COBL: variants seen among roughly 807,000 people sequenced by gnomAD.
The protein encoded by COBL is protein cordon-bleu.
In COBL, 51 loss-of-function variants were observed where a neutral mutation model predicts 98.8. That is an observed-to-expected ratio of 0.52 (90% CI 0.41 to 0.65). The LOEUF is 0.65. COBL is among the 30% of genes least tolerant of loss of function. The pLI, the probability that COBL is intolerant of heterozygous loss-of-function variation, is 0.00. For synonymous variants in COBL, 634 were observed against 651.7 expected (o/e 0.97, Z 0.41); for missense variants, 1,617 against 1,617.5 (o/e 1.00, Z 0.01).
intron 1 of COBL, among the ~76,000 whole-genome samples, chr7:51,233,422 G>T (rs1008651799): frequency 2.4e-5 from 3 of 127,124 alleles, no homozygotes; most frequent in African/African-American, 8.2e-5. Context: ...TTCCTTCAGT[G>T]GGGGGAAAAA....
intron 4 of COBL, among the ~76,000 whole-genome samples, chr7:51,187,331 T>TACATACAC (rs1554421103): frequency 3.9e-5 from 4 of 101,424 alleles, no homozygotes; most frequent in Admixed American, 2.9e-4. Context: ...TATATATATA[T>TACATACAC]ACACACACAC....
intron 7 of COBL, among the ~76,000 whole-genome samples, chr7:51,049,788 T>G (rs1790064282): frequency 6.6e-6 from 1 of 152,230 alleles, no homozygotes; most frequent in African/African-American, 2.4e-5. Flanking sequence ...AGTGTCTGTG[T>G]GCACACACGG....
rs368355274 is a variant in COBL at position 51,312,093 on chromosome 7, G to T, written c.41+4500C>A. The stretch of plus-strand genomic sequence containing the variant: ...AATCCCAGCACTTTGGGAGGCCAAG[G>T]CGGGCGGATCACAAGGTTAGGAGTT... On this transcript the variant is annotated intron_variant, in intron 1 of 12. Coordinates refer to ENST00000265136, the MANE Select transcript of COBL (RefSeq NM_015198.5). Among the ~76,000 whole-genome samples the T allele has an allele frequency of 2.0e-5, 3 of 152,086 alleles. No individual in the cohort carries two copies. In the East Asian group the frequency reaches 5.8e-4, roughly 29 times the overall value.
At chr7:51,299,680 G>C (rs1024553658) in intron 1 of COBL, among the ~76,000 whole-genome samples, 2 of 152,196 alleles carry the variant, frequency 1.3e-5, no homozygotes, top group African/African-American at 4.8e-5. Flanking sequence ...CATGGCTATA[G>C]GGGTGGGCTG....
chr7:51,175,923 G>A (rs1305375465), intron 5 of COBL, among the ~76,000 whole-genome samples: 1 of 152,118 alleles, frequency 6.6e-6, no homozygotes, highest in Non-Finnish European at 1.5e-5. Flanking sequence ...ACCTTCCCAC[G>A]TTTTCCTGCC....
intron 1 of COBL, among the ~76,000 whole-genome samples, chr7:51,244,600 C>G (rs535095058): frequency 1.3e-5 from 2 of 152,282 alleles, no homozygotes; most frequent in East Asian, 3.9e-4. Flanking sequence ...TACGGCCACT[C>G]TCTCTCACCC....
In COBL at chr7:51,029,045, G is replaced by A. The variant is rs752399487; in HGVS notation, c.2051C>T (p.Ala684Val). 34 of 1,614,152 alleles carry A rather than the reference G, an allele frequency of 2.1e-5. No individual in the cohort carries two copies. The South Asian group carries it at 3.6e-4, about 17-fold the overall frequency. The change falls in exon 10 of 13, where the codon GCA becomes GTA. Residue 684 changes from alanine to valine, a missense_variant. This residue lies in a region of COBL where 1,304 missense variants were observed against 1,282.0 expected (regional missense o/e 1.02). Coordinates refer to ENST00000265136, the MANE Select transcript of COBL (RefSeq NM_015198.5). ...GCCTCGTTGGTGCCATGATGTTGGT[G>A]CCAAGGCAGCGTTTTTATCGTTGCT... ...KDSNDKNAAL[A>V]PTSWHQRGQN...
At chr7:51,175,336 G>A (rs945771023) in intron 5 of COBL, among the ~76,000 whole-genome samples, 7 of 152,192 alleles carry the variant, frequency 4.6e-5, no homozygotes, top group Admixed American at 1.3e-4. Flanking sequence ...GTGCATGAAC[G>A]TGAGTTCTCT....
At chr7:51,092,551 T>G (rs1794909836) in intron 6 of COBL, among the ~76,000 whole-genome samples, 1 of 152,194 alleles carries the variant, frequency 6.6e-6, no homozygotes, top group Non-Finnish European at 1.5e-5. Flanking sequence ...CTTTCCCCAT[T>G]GTGTGTTCTT....
rs151038929 is a variant in COBL, at chr7:51,141,910, T to C, written c.784-5579A>G. 3.3e-5 allele frequency among the ~76,000 whole-genome samples: 5 copies of C among 152,278 alleles called. No homozygotes were observed. The East Asian group carries it at 9.7e-4, about 29-fold the overall frequency. On this transcript the variant is annotated intron_variant, in intron 5 of 12. Transcript: ENST00000265136. ...TCTTGGGTAAGGGCAAGGCCAACTT[T>C]CCTTCCCAAGAGGGTGTTCTCTGTC...
In COBL at chr7:51,029,081, T is replaced by G; in HGVS notation, c.2015A>C (p.Asn672Thr). 2 of 1,614,230 alleles carry G rather than the reference T, an allele frequency of 1.2e-6. No homozygotes were observed. The highest frequency in any genetic ancestry group is 1.7e-6 in the Non-Finnish European group (2 of 1,180,030). The change falls in exon 10 of 13, where the codon AAT becomes ACT. Residue 672 changes from asparagine to threonine, a missense_variant. Physicochemically the swap from Asn to Thr is moderately conservative, Grantham distance 65. This residue lies in a region of COBL where 1,304 missense variants were observed against 1,282.0 expected (regional missense o/e 1.02). Transcript: ENST00000265136. ...ATERVNSQPV[N>T]EKDSNDKNAA... The stretch of plus-strand genomic sequence containing the variant: ...GTTTTTATCGTTGCTGTCCTTTTCA[T>G]TCACCGGTTGGGAATTCACTCTCTC...
chr7:51,301,099 TACACGCA>T (rs899726374), intron 1 of COBL, among the ~76,000 whole-genome samples: 5 of 152,102 alleles, frequency 3.3e-5, no homozygotes, highest in Admixed American at 3.3e-4. Flanking sequence ...TGCGGTGGGA[TACACGCA>T]CCGCGCAGGC....
At chr7:51,165,734 A>T (rs1294053670) in intron 5 of COBL, among the ~76,000 whole-genome samples, 1 of 152,026 alleles carries the variant, frequency 6.6e-6, no homozygotes, top group Non-Finnish European at 1.5e-5. Flanking sequence ...AAGTCTTAAA[A>T]CATTTTTAAA....
At position 51,316,662 on chromosome 7, in the gene COBL, C is replaced by T. The variant is rs1803642646; in HGVS notation, c.-29G>A. Reference sequence around the variant, plus strand: ...GCCGGGGGCCGGGACGCGGGCGGTGCTCCGGGCCCGCCGAGTCAGGCGCTG... The same window carrying T: ...GCCGGGGGCCGGGACGCGGGCGGTGTTCCGGGCCCGCCGAGTCAGGCGCTG... On this transcript the variant is annotated 5_prime_UTR_variant, in exon 1 of 13. Transcript: ENST00000265136. The T allele has an allele frequency of 3.4e-6, 4 of 1,191,502 alleles. No homozygotes were observed. Among genetic ancestry groups the T allele is most frequent in the African/African-American group, 1.6e-5 (1 of 62,634 alleles). The allele number at this position is 1,191,502 out of a possible 1,614,324, so 73.8% of individuals were successfully genotyped here.
chr7:51,283,674 G>A lies in COBL; in HGVS notation c.41+32919C>T, dbSNP rs144857022. Among the ~76,000 whole-genome samples, 1,155 of 151,526 alleles carry A rather than the reference G, an allele frequency of 7.6e-3. 15 individuals carry two copies. Among genetic ancestry groups the A allele is most frequent in the African/African-American group, 0.027 (1,118 of 40,964 alleles). On this transcript the variant is annotated intron_variant, in intron 1 of 12. Coordinates refer to ENST00000265136, the MANE Select transcript of COBL (RefSeq NM_015198.5). ...TAATTTTTGTATTTTTAGTAGAGAC[G>A]GGGTTTCACCATGTTGGTCAGGCTT...
At chr7:51,261,691 G>C (rs1797732457) in intron 1 of COBL, among the ~76,000 whole-genome samples, 1 of 152,118 alleles carries the variant, frequency 6.6e-6, no homozygotes, top group African/African-American at 2.4e-5. Context: ...GAGGGGCCAG[G>C]CGCGGTGGCT....
chr7:51,152,293 T>C (rs777912599), intron 5 of COBL, among the ~76,000 whole-genome samples: 18 of 152,208 alleles, frequency 1.2e-4, no homozygotes, highest in Non-Finnish European at 2.6e-4. Flanking sequence ...ATAAGTCAAA[T>C]AAAAATCAAT....
At chr7:51,069,825 C>G (rs1438365904) in intron 7 of COBL, among the ~76,000 whole-genome samples, 1 of 152,218 alleles carries the variant, frequency 6.6e-6, no homozygotes, top group Non-Finnish European at 1.5e-5. Flanking sequence ...TAGATACTGA[C>G]TATTCCATTT....
At chr7:51,267,427 G>T (rs751141749) in intron 1 of COBL, among the ~76,000 whole-genome samples, 1 of 151,870 alleles carries the variant, frequency 6.6e-6, no homozygotes, top group Non-Finnish European at 1.5e-5. Context: ...AGCCCCATCC[G>T]CAAAGACTTG....
Sources: allele counts gnomAD v4.1 joint callset (sites outside exome capture counted in the v4.1 genomes callset), GRCh38; gene constraint gnomAD v4.1.1; regional missense constraint gnomAD v4.1.1; transcripts MANE v1.5; gene names NCBI Gene and HGNC (gene_info 2026-07-23, HGNC 2026-07-21).